PRICKLE4: variants seen among roughly 807,000 people sequenced by gnomAD.
PRICKLE4 encodes the protein prickle planar cell polarity protein 4.
In PRICKLE4, 40 loss-of-function variants were observed where a neutral mutation model predicts 43.5. That is an observed-to-expected ratio of 0.92 (90% CI 0.71 to 1.20). The LOEUF (loss-of-function observed/expected upper bound fraction) is 1.20. Among genes scored for constraint, PRICKLE4 ranks in the 50% most tolerant of loss-of-function variants. The pLI, the probability that PRICKLE4 is intolerant of heterozygous loss-of-function variation, is 0.00. For synonymous variants in PRICKLE4, 208 were observed against 197.4 expected, an observed-to-expected ratio of 1.05 and a Z score of -0.45; for missense variants, 527 against 491.2, an observed-to-expected ratio of 1.07 and a Z score of -0.69.
In PRICKLE4 at chr6:41,785,364, TA is replaced by T. The variant is rs754878287; in HGVS notation, c.407del (p.Tyr136SerfsTer28). 12 of 1,613,862 alleles carry T rather than the reference TA, an allele frequency of 7.4e-6. No individual in the cohort carries two copies. Among genetic ancestry groups the T allele is most frequent in the Non-Finnish European group, 1.0e-5 (12 of 1,179,960 alleles). On this transcript the variant is annotated frameshift_variant, in exon 6 of 8. Transcript: ENST00000458694. LOFTEE classifies it high-confidence loss of function. ...TAGGGAGCTGCTGAAGCCAGGGGAG[TA>T]CGGAGTGTTTGCAGCCCGGGCAGGG... is the stretch of plus-strand genomic sequence containing the variant. ...KCRELLKPGE[Y>X]GVFAARAGEQ...
Position 41,784,935 on chromosome 6 carries a change from G to C in PRICKLE4, c.241G>C (p.Glu81Gln). Reference sequence around the variant, plus strand: ...TAATTGTAGAGGACTGTTTCTGCAGGAGCGCTACTGCCTGGCCCTTGGGGA... The same window carrying C: ...TAATTGTAGAGGACTGTTTCTGCAGCAGCGCTACTGCCTGGCCCTTGGGGA... ...LQQLPPQDID[E>Q]RYCLALGEEE... The change falls in exon 5 of 8, where the codon GAG becomes CAG. Residue 81 changes from glutamate (E) to glutamine (Q), a missense_variant and splice_region_variant. Glu to Gln is a conservative substitution (Grantham distance 29). Coordinates refer to ENST00000458694, the MANE Select transcript of PRICKLE4 (RefSeq NM_013397.6). 2 of 1,613,856 alleles carry C rather than the reference G, an allele frequency of 1.2e-6. No individual in the cohort carries two copies. Among genetic ancestry groups the C allele is most frequent in the Middle Eastern group, 1.7e-4 (1 of 5,944 alleles).
chr6:41,787,216 G>A lies in PRICKLE4; in HGVS notation c.*87G>A. Reference sequence around the variant, plus strand: ...GGCTAGCCTCCCCCTAACAATCCTAGACTGAGACGCAGTCAGGCGCACGCC... The same window carrying A: ...GGCTAGCCTCCCCCTAACAATCCTAAACTGAGACGCAGTCAGGCGCACGCC... On this transcript the variant is annotated 3_prime_UTR_variant, in exon 8 of 8. Coordinates refer to ENST00000458694, the MANE Select transcript of PRICKLE4 (RefSeq NM_013397.6). 2 of 1,474,822 alleles carry A rather than the reference G, an allele frequency of 1.4e-6. No homozygotes were observed. The highest frequency in any genetic ancestry group is 1.8e-6 in the Non-Finnish European group (2 of 1,119,316). The allele number at this position is 1,474,822 out of a possible 1,614,324, so 91.4% of individuals were successfully genotyped here.
At chr6:41,783,859 G>T in intron 3 of PRICKLE4, 1 of 746,608 alleles carries the variant, frequency 1.3e-6, no homozygotes. Context: ...TTGGCCCCAA[G>T]GCGTGAAGGG....
chr6:41,786,541 C>T, intron 7 of PRICKLE4: 1 of 1,007,646 alleles, frequency 9.9e-7, no homozygotes, highest in Non-Finnish European at 1.5e-6. Flanking sequence ...ACCCACCCCG[C>T]GCCGCGGTCG....
At chr6:41,783,946 C>T in intron 3 of PRICKLE4, 185 bp from the exon 4 acceptor site, 1 of 674,182 alleles carries the variant, frequency 1.5e-6, no homozygotes, top group Non-Finnish European at 2.7e-6. Context: ...AGGAAGACCA[C>T]ACATGCAGGC....
chr6:41,783,693 G>T, intron 3 of PRICKLE4, 88 bp downstream of exon 3: 1 of 1,577,504 alleles, frequency 6.3e-7, no homozygotes, highest in South Asian at 1.1e-5. Context: ...GAGGTAGTTT[G>T]ACTTCGTGCC....
intron 6 of PRICKLE4, 21 bp from the exon 7 acceptor site, chr6:41,786,107 C>T: frequency 6.2e-7 from 1 of 1,604,482 alleles, no homozygotes; most frequent in Non-Finnish European, 8.5e-7. Context: ...AAACGTTCCC[C>T]TCTCCCTCTC....
chr6:41,784,121 G>A lies in PRICKLE4; in HGVS notation c.133-10G>A, dbSNP rs1255582127. On this transcript the variant is annotated splice_polypyrimidine_tract_variant and intron_variant, in intron 3 of 7. Coordinates refer to ENST00000458694, the MANE Select transcript of PRICKLE4 (RefSeq NM_013397.6). ...AGTTTCACTCCTCCCCTTCTTCCAT[G>A]TCTCCTCAGGGTCCTGCAGTTCTGA... 9.4e-6 allele frequency: 15 copies of A among 1,592,272 alleles called. No homozygotes were observed. Among genetic ancestry groups the A allele is most frequent in the African/African-American group, 1.4e-5 (1 of 73,964 alleles).
chr6:41,785,970 C>T (rs1772636738), intron 6 of PRICKLE4, among the ~76,000 whole-genome samples, 158 bp from the exon 7 acceptor site: 1 of 152,216 alleles, frequency 6.6e-6, no homozygotes, highest in Admixed American at 6.5e-5. Context: ...CCTGGCTAAG[C>T]CAATCAGTCC....
rs140474558 is a variant in PRICKLE4, at chr6:41,785,412, C to T, written c.454C>T (p.Pro152Ser). Residue 152 changes from proline (P) to serine (S), a missense_variant, in exon 6 of 8, where the codon CCT becomes TCT. By Grantham distance (74) the Pro-to-Ser change is moderately conservative. Coordinates refer to ENST00000458694, the MANE Select transcript of PRICKLE4 (RefSeq NM_013397.6). Reference sequence around the variant, plus strand: ...AGGGGAACAGCGCTGCTGGCACCAGCCTTGCTTTGCCTGCCAGGCCTGTGG... The same window carrying T: ...AGGGGAACAGCGCTGCTGGCACCAGTCTTGCTTTGCCTGCCAGGCCTGTGG... Reference protein sequence around the residue: ...RAGEQRCWHQPCFACQACGQA... With the variant: ...RAGEQRCWHQSCFACQACGQA... 1.2e-6 allele frequency: 2 copies of T among 1,614,144 alleles called. No individual in the cohort carries two copies.
rs770696731 is a variant in PRICKLE4, at chr6:41,786,901, G to C, written c.927G>C (p.Gln309His). 1.7e-5 allele frequency: 28 copies of C among 1,612,296 alleles called. No individual in the cohort carries two copies. Among genetic ancestry groups the C allele is most frequent in the South Asian group, 7.7e-5 (7 of 90,908 alleles). Residue 309 changes from glutamine to histidine, a missense_variant, in exon 8 of 8, where the codon CAG (glutamine) becomes CAC (histidine). Physicochemically the swap from Gln to His is conservative, Grantham distance 24. Transcript: ENST00000458694. ...QRGLPGSSPQ[Q>H]ENRPGDKAEA... Reference sequence around the variant, plus strand: ...GGCTGCCTGGATCCAGTCCCCAGCAGGAGAACCGACCTGGGGACAAAGCGG... The same window carrying C: ...GGCTGCCTGGATCCAGTCCCCAGCACGAGAACCGACCTGGGGACAAAGCGG...
rs1772684141 is a variant in PRICKLE4 at position 41,787,364 on chromosome 6, A to G, written c.*235A>G. 1.5e-6 allele frequency: 1 copy of G among 660,196 alleles called. No homozygotes were observed. Among genetic ancestry groups the G allele is most frequent in the Non-Finnish European group, 2.5e-6 (1 of 402,772 alleles). The allele number at this position is 660,196 out of a possible 1,614,324, so 40.9% of individuals were successfully genotyped here. A position where few individuals can be genotyped will look rare whatever the true frequency, so the allele number is the denominator to read the frequency against. ...CCAAAGCTACGCTTCCCCTGCTGAG[A>G]TAGCCCCTACCCCCACCTCCACAGG... On this transcript the variant is annotated 3_prime_UTR_variant, in exon 8 of 8. Transcript: ENST00000458694.
At chr6:41,784,586 T>C (rs1188473301) in intron 4 of PRICKLE4, among the ~76,000 whole-genome samples, 4 of 152,176 alleles carry the variant, frequency 2.6e-5, no homozygotes, top group East Asian at 1.9e-4. Context: ...TACAATTCAA[T>C]TGGGGAGGCA....
intron 2 of PRICKLE4, 63 bp from the exon 3 acceptor site, chr6:41,783,399 T>C (rs1484056570): frequency 7.1e-7 from 1 of 1,409,000 alleles, no homozygotes; most frequent in Non-Finnish European, 9.6e-7. Flanking sequence ...ATAAAGCACT[T>C]AACACTTCCT....
chr6:41,786,830 A>G lies in PRICKLE4; in HGVS notation c.856A>G (p.Thr286Ala). 1 of 1,515,806 alleles carries G rather than the reference A, an allele frequency of 6.6e-7. No homozygotes were observed. The highest frequency in any genetic ancestry group is 8.8e-7 in the Non-Finnish European group (1 of 1,132,770). The allele number at this position is 1,515,806 out of a possible 1,614,324, so 93.9% of individuals were successfully genotyped here. A position where few individuals can be genotyped will look rare whatever the true frequency, so the allele number is the denominator to read the frequency against. ...GGTGAACTCTGCAACCCTCTCCCGA[A>G]CACTCCTCGCTGCTGCCGGCGGTTC... ...TSVNSATLSR[T>A]LLAAAGGSSL... The change falls in exon 8 of 8, where the codon ACA becomes GCA. Residue 286 changes from threonine (T) to alanine (A), a missense_variant. By Grantham distance (58) the Thr-to-Ala change is moderately conservative. Transcript: ENST00000458694.
chr6:41,782,383 CTTCTTT>C (rs1772567110), intron 2 of PRICKLE4, among the ~76,000 whole-genome samples: 2 of 70,426 alleles, frequency 2.8e-5, no homozygotes, highest in Non-Finnish European at 5.3e-5. Flanking sequence ...ATGGTCACTT[CTTCTTT>C]TTTTTTTTTT....
At chr6:41,782,501 T>C (rs1040954617) in intron 2 of PRICKLE4, among the ~76,000 whole-genome samples, 1 of 149,922 alleles carries the variant, frequency 6.7e-6, no homozygotes, top group African/African-American at 2.4e-5. Context: ...ACCATTCTCC[T>C]GCCTCAGCCT....
Position 41,786,833 on chromosome 6 carries a change from C to CT in PRICKLE4, c.860dup (p.Leu288ProfsTer46). ...GAACTCTGCAACCCTCTCCCGAACA[C>CT]TCCTCGCTGCTGCCGGCGGTTCCAG... On this transcript the variant is annotated frameshift_variant, in exon 8 of 8. Transcript: ENST00000458694. LOFTEE classifies it high-confidence loss of function. 1 of 1,554,378 alleles carries CT rather than the reference C, an allele frequency of 6.4e-7. No individual in the cohort carries two copies. The highest frequency in any genetic ancestry group is 8.6e-7 in the Non-Finnish European group (1 of 1,156,872).
At chr6:41,786,028 G>C in intron 6 of PRICKLE4, 100 bp from the exon 7 acceptor site, 1 of 1,263,352 alleles carries the variant, frequency 7.9e-7, no homozygotes, top group Non-Finnish European at 1.1e-6. Context: ...AATGTGTGCA[G>C]ACGTGCTTTA....
Sources: gnomAD v4.1 joint callset for allele counts (sites outside exome capture counted in the v4.1 genomes callset) on GRCh38, gnomAD v4.1.1 for gene constraint, MANE v1.5 for transcripts, NCBI Gene and HGNC (gene_info 2026-07-23, HGNC 2026-07-21) for gene names.